PELI1: variants seen among roughly 807,000 people sequenced by gnomAD.
PELI1 encodes the protein pellino E3 ubiquitin protein ligase 1.
PELI1 carries 15 observed loss-of-function variants against 41.3 expected under a neutral mutation model. The ratio of observed to expected loss-of-function variants is 0.36; its 90% CI spans 0.24 to 0.56. PELI1 has a LOEUF of 0.56. PELI1 is among the 20% of genes least tolerant of loss of function. The pLI is 0.82. For missense variants in PELI1, 403 were observed against 525.5 expected (o/e 0.77, Z 2.28); for synonymous variants, 178 against 180.1 (o/e 0.99, Z 0.09).
chr2:64,104,513 A>T (rs564137319), intron 3 of PELI1, 188 bp downstream of exon 3: 254 of 806,394 alleles, frequency 3.1e-4, no homozygotes, highest in Non-Finnish European at 3.5e-4. Context: ...TTTTTTTTTT[A>T]AAAGTCCAAT....
At chr2:64,113,474 T>C (rs1213629625) in intron 1 of PELI1, among the ~76,000 whole-genome samples, 2 of 152,166 alleles carry the variant, frequency 1.3e-5, no homozygotes, top group Non-Finnish European at 2.9e-5. Context: ...GAACATGAAA[T>C]AGCACCATTA....
chr2:64,117,428 AG>A (rs550966346), intron 1 of PELI1, among the ~76,000 whole-genome samples: 155 of 152,326 alleles, frequency 1.0e-3, no homozygotes, highest in African/African-American at 3.6e-3. Context: ...CTTAGTTTCA[AG>A]GTAGAATGCT....
Position 64,094,826 on chromosome 2 carries a change from T to A in PELI1, c.1133A>T (p.Tyr378Phe). The A allele has an allele frequency of 1.9e-6, 3 of 1,614,170 alleles. No individual in the cohort carries two copies. Among genetic ancestry groups the A allele is most frequent in the Admixed American group, 3.3e-5 (2 of 60,020 alleles). Residue 378 changes from tyrosine to phenylalanine, a missense_variant, in exon 7 of 7, where the codon TAT (tyrosine) becomes TTT (phenylalanine). Coordinates refer to ENST00000358912, the MANE Select transcript of PELI1 (RefSeq NM_020651.4). ...ATGAGGAAGTGGGATCTGGGACCAA[T>A]AGGCAGTTGTCTTTTCTGAACACAC... Reference protein sequence around the residue: ...GHVCSEKTTAYWSQIPLPHGT... With the variant: ...GHVCSEKTTAFWSQIPLPHGT...
chr2:64,125,795 C>CAA (rs1681364671), intron 1 of PELI1, among the ~76,000 whole-genome samples: 1 of 152,158 alleles, frequency 6.6e-6, no homozygotes, highest in Non-Finnish European at 1.5e-5. Context: ...CAAAATGCTC[C>CAA]AAAACCTGAA....
chr2:64,094,390 C>T lies in PELI1; in HGVS notation c.*312G>A, dbSNP rs1297597975. The T allele has an allele frequency of 3.5e-5, 8 of 230,328 alleles. No individual in the cohort carries two copies. Among genetic ancestry groups the T allele is most frequent in the Non-Finnish European group, 6.0e-5 (7 of 117,284 alleles). 14.3% of individuals were successfully genotyped at this position (230,328 alleles called of 1,614,324 possible). On this transcript the variant is annotated 3_prime_UTR_variant, in exon 7 of 7. Transcript: ENST00000358912. Reference sequence around the variant, plus strand: ...CAACAGTACCCTCAGTTATACAAAACAATTTCAGCACTGAGGATAGGTGAT... The same window carrying T: ...CAACAGTACCCTCAGTTATACAAAATAATTTCAGCACTGAGGATAGGTGAT...
intron 4 of PELI1, among the ~76,000 whole-genome samples, chr2:64,097,239 T>G (rs1172452712): frequency 6.6e-6 from 1 of 152,236 alleles, no homozygotes; most frequent in African/African-American, 2.4e-5. Flanking sequence ...CATGCTTGTT[T>G]CCAGCAACAA....
chr2:64,101,892 A>G (rs1469129980), intron 3 of PELI1, among the ~76,000 whole-genome samples: 1 of 133,860 alleles, frequency 7.5e-6, no homozygotes. Context: ...CAGTGGTGCT[A>G]TCTCGGCTCA....
At chr2:64,120,138 A>G (rs1681159194) in intron 1 of PELI1, among the ~76,000 whole-genome samples, 2 of 152,240 alleles carry the variant, frequency 1.3e-5, no homozygotes, top group African/African-American at 4.8e-5. Flanking sequence ...GAACTACAGC[A>G]GTAGCCAGAG....
intron 4 of PELI1, among the ~76,000 whole-genome samples, chr2:64,098,022 G>C (rs557943598): frequency 6.6e-6 from 1 of 152,220 alleles, no homozygotes; most frequent in East Asian, 1.9e-4. Context: ...CTAATATTCA[G>C]AATCAACAGA....
chr2:64,137,033 T>A (rs1276603540), intron 1 of PELI1, among the ~76,000 whole-genome samples: 1 of 152,220 alleles, frequency 6.6e-6, no homozygotes, highest in Non-Finnish European at 1.5e-5. Context: ...GTTTCTCAGG[T>A]TGGAAAAACT....
chr2:64,095,334 G>C, intron 6 of PELI1, 66 bp from the exon 7 acceptor site: 2 of 1,038,766 alleles, frequency 1.9e-6, no homozygotes, highest in Non-Finnish European at 2.9e-6. Flanking sequence ...TAAGTGTTTT[G>C]GTTTTAAGTA....
rs1456308275 is a variant in PELI1, at chr2:64,144,335, G to C, written c.-324C>G. ...GGGGACCAATTCGACCGCACCGCGG[G>C]ACTAGGGCTGCTGCCGCTGCTGCTA... On this transcript the variant is annotated 5_prime_UTR_variant, in exon 1 of 7. Transcript: ENST00000358912. The C allele has an allele frequency of 3.3e-5, 5 of 152,610 alleles. No individual in the cohort carries two copies. The highest frequency in any genetic ancestry group is 1.9e-4 in the East Asian group (1 of 5,168). 9.5% of individuals were successfully genotyped at this position (152,610 alleles called of 1,614,324 possible).
chr2:64,118,406 C>T (rs572416379), intron 1 of PELI1, among the ~76,000 whole-genome samples: 55 of 152,058 alleles, frequency 3.6e-4, no homozygotes, highest in Non-Finnish European at 6.8e-4. Context: ...AAAACTGGAT[C>T]CAAAACAATC....
At chr2:64,132,105 C>T (rs1329010767) in intron 1 of PELI1, among the ~76,000 whole-genome samples, 2 of 152,166 alleles carry the variant, frequency 1.3e-5, no homozygotes, top group Non-Finnish European at 2.9e-5. Context: ...TCCTTTTTCT[C>T]TTTCCACTAG....
At position 64,094,106 on chromosome 2, in the gene PELI1, T is replaced by C. The variant is rs887149329; in HGVS notation, c.*596A>G. 6.6e-6 allele frequency: 1 copy of C among 152,658 alleles called. No individual in the cohort carries two copies. The highest frequency in any genetic ancestry group is 6.5e-5 in the Admixed American group (1 of 15,282). 9.5% of individuals were successfully genotyped at this position (152,658 alleles called of 1,614,324 possible). A position where few individuals can be genotyped will look rare whatever the true frequency, so the allele number is the denominator to read the frequency against. On this transcript the variant is annotated 3_prime_UTR_variant, in exon 7 of 7. Coordinates refer to ENST00000358912, the MANE Select transcript of PELI1 (RefSeq NM_020651.4). Reference sequence around the variant, plus strand: ...TGGTCTTACAAATTACAAAGTATTCTAATTTACCAAATTCCATATTTAGAT... The same window carrying C: ...TGGTCTTACAAATTACAAAGTATTCCAATTTACCAAATTCCATATTTAGAT...
chr2:64,095,308 G>C, intron 6 of PELI1, 40 bp from the exon 7 acceptor site: 1 of 1,439,018 alleles, frequency 6.9e-7, no homozygotes, highest in Non-Finnish European at 9.7e-7. Flanking sequence ...TCACCACTCT[G>C]TTTTGGATTT....
chr2:64,136,495 T>C (rs1296181192), intron 1 of PELI1, among the ~76,000 whole-genome samples: 2 of 152,238 alleles, frequency 1.3e-5, no homozygotes, highest in Non-Finnish European at 1.5e-5. Context: ...GAAGCTTTGT[T>C]AAAGTATTCC....
At chr2:64,131,643 CG>C (rs758516633) in intron 1 of PELI1, among the ~76,000 whole-genome samples, 7 of 150,356 alleles carry the variant, frequency 4.7e-5, no homozygotes, top group Non-Finnish European at 1.0e-4. Flanking sequence ...TAAATTGAGA[CG>C]GAGTCTCACT....
chr2:64,140,306 C>T (rs1365906586), intron 1 of PELI1, among the ~76,000 whole-genome samples: 1 of 152,164 alleles, frequency 6.6e-6, no homozygotes, highest in East Asian at 1.9e-4. Context: ...CATTTATAGG[C>T]ATCAGCAACA....
Sources: gnomAD v4.1 joint callset for allele counts (sites outside exome capture counted in the v4.1 genomes callset) on GRCh38, gnomAD v4.1.1 for gene constraint, MANE v1.5 for transcripts, NCBI Gene and HGNC (gene_info 2026-07-23, HGNC 2026-07-21) for gene names.